Variants in PRKN observed in about 807,000 individuals in gnomAD.
PRKN encodes the protein parkin RBR E3 ubiquitin protein ligase.
Under a neutral mutation model 59.5 loss-of-function variants are expected in PRKN, and 56 were observed. That is an observed-to-expected ratio of 0.94 (90% CI 0.76 to 1.18). The LOEUF (loss-of-function observed/expected upper bound fraction) is 1.18. Ranked by LOEUF, PRKN falls within the 50% of genes most tolerant of loss-of-function variation. The pLI is 0.00. For synonymous variants in PRKN, 250 were observed against 222.1 expected, an observed-to-expected ratio of 1.13 and a Z score of -1.12; for missense variants, 657 against 596.4, an observed-to-expected ratio of 1.10 and a Z score of -1.06.
intron 1 of PRKN, among the ~76,000 whole-genome samples, chr6:162,502,992 T>C (rs1278797829): frequency 6.6e-6 from 1 of 151,584 alleles, no homozygotes; most frequent in Admixed American, 6.6e-5. Flanking sequence ...TTATCTTTCT[T>C]AATATTAAAA....
intron 2 of PRKN, among the ~76,000 whole-genome samples, chr6:162,391,338 A>C (rs1173618948): frequency 6.6e-6 from 1 of 151,304 alleles, no homozygotes; most frequent in African/African-American, 2.4e-5. Context: ...GATTTCGAAA[A>C]TCTGCAATGA....
intron 5 of PRKN, among the ~76,000 whole-genome samples, chr6:162,007,296 GC>G (rs1223369386): frequency 6.6e-6 from 1 of 152,056 alleles, no homozygotes; most frequent in East Asian, 1.9e-4. Flanking sequence ...TTTTAAAAAG[GC>G]CATGGGGTTC....
chr6:162,393,152 A>ATTTTTTTTTTTTTT (rs1369959830), intron 2 of PRKN, among the ~76,000 whole-genome samples: 4 of 78,100 alleles, frequency 5.1e-5, no homozygotes, highest in Admixed American at 1.3e-4. Flanking sequence ...AGGATAGGAG[A>ATTTTTTTTTTTTTT]TTCTTTTTTT....
intron 7 of PRKN, among the ~76,000 whole-genome samples, chr6:161,760,033 T>C (rs546853903): frequency 2.0e-4 from 30 of 149,296 alleles, no homozygotes; most frequent in African/African-American, 6.9e-4. Context: ...CTTTTATCTT[T>C]CTTGTCTCTA....
At chr6:162,497,081 T>A (rs1027770559) in intron 1 of PRKN, among the ~76,000 whole-genome samples, 2 of 152,344 alleles carry the variant, frequency 1.3e-5, no homozygotes, top group African/African-American at 4.8e-5. Flanking sequence ...TTGTATAAAT[T>A]CTGAATCAGC....
At chr6:162,010,340 A>G (rs1782457585) in intron 5 of PRKN, among the ~76,000 whole-genome samples, 1 of 121,630 alleles carries the variant, frequency 8.2e-6, no homozygotes, top group African/African-American at 3.2e-5. Context: ...TATAATATAT[A>G]AATAATATAC....
At chr6:162,636,958 CAAA>C (rs112748618) in intron 1 of PRKN, among the ~76,000 whole-genome samples, 3 of 144,156 alleles carry the variant, frequency 2.1e-5, no homozygotes, top group South Asian at 4.4e-4. Flanking sequence ...GATTCTGTCC[CAAA>C]AAAAAAAAGA....
chr6:162,572,942 CT>C (rs1414677275), intron 1 of PRKN, among the ~76,000 whole-genome samples: 1 of 152,102 alleles, frequency 6.6e-6, no homozygotes, highest in Non-Finnish European at 1.5e-5. Context: ...GTGTCACCCC[CT>C]GTCATTAATA....
At chr6:162,546,831 G>A (rs1314622666) in intron 1 of PRKN, among the ~76,000 whole-genome samples, 2 of 152,140 alleles carry the variant, frequency 1.3e-5, no homozygotes, top group East Asian at 3.9e-4. Flanking sequence ...CAGTCAGTGT[G>A]TCAGACTGAA....
chr6:162,688,050 T>C (rs6926073), intron 1 of PRKN, among the ~76,000 whole-genome samples: 37,632 of 152,112 alleles, frequency 0.25, 5,448 homozygotes, highest in African/African-American at 0.38. Context: ...CTTTTTAGAA[T>C]TATTCTGCTC....
chr6:162,090,591 A>G (rs565806573), intron 4 of PRKN, among the ~76,000 whole-genome samples: 78 of 152,264 alleles, frequency 5.1e-4, no homozygotes, highest in African/African-American at 1.9e-3. Context: ...TCTTTTTTAC[A>G]TATGGAAAAT....
intron 7 of PRKN, among the ~76,000 whole-genome samples, chr6:161,683,766 T>C (rs1431532333): frequency 1.3e-5 from 2 of 152,100 alleles, no homozygotes; most frequent in Admixed American, 6.6e-5. Context: ...AGGCAGGCTG[T>C]TGGGGTGTGG....
In PRKN at chr6:161,545,791, T is replaced by A. The variant is rs113021469; in HGVS notation, c.1083+3063A>T. On this transcript the variant is annotated intron_variant, in intron 9 of 11. Transcript: ENST00000366898. This position sits in a 1 kb window ranked among gnomAD's most constrained non-coding sequence, Gnocchi z 4.1. ...GAAAACCTTATCAGCTGGTTTAACA[T>A]CCTTAAAGGCAACTTTCCTCAGGAC... 2.0e-5 allele frequency among the ~76,000 whole-genome samples: 3 copies of A among 152,224 alleles called. No homozygotes were observed. Among genetic ancestry groups the A allele is most frequent in the Non-Finnish European group, 2.9e-5 (2 of 68,038 alleles).
intron 6 of PRKN, among the ~76,000 whole-genome samples, chr6:161,869,065 A>C (rs950772022): frequency 3.3e-5 from 5 of 152,242 alleles, no homozygotes; most frequent in Non-Finnish European, 7.3e-5. Context: ...GAACATGCTA[A>C]GAAATAGAAG....
chr6:161,624,724 A>C (rs935480291), intron 7 of PRKN, among the ~76,000 whole-genome samples: 1 of 152,242 alleles, frequency 6.6e-6, no homozygotes, highest in Non-Finnish European at 1.5e-5. Context: ...TCAAGGTTGC[A>C]GATGGACACA....
chr6:162,510,172 C>T lies in PRKN; in HGVS notation c.8-66699G>A, dbSNP rs113994934. Among the ~76,000 whole-genome samples, 1,062 of 152,308 alleles carry T rather than the reference C, an allele frequency of 7.0e-3. 12 individuals are homozygous for T. The highest frequency in any genetic ancestry group is 0.023 in the African/African-American group (959 of 41,580). On this transcript the variant is annotated intron_variant, in intron 1 of 11. Coordinates refer to ENST00000366898, the MANE Select transcript of PRKN (RefSeq NM_004562.3). Reference sequence around the variant, plus strand: ...TCGGCACCCAACACCGACACCTCTACGTTCACTAAATAGACGTTTTTATTT... The same window carrying T: ...TCGGCACCCAACACCGACACCTCTATGTTCACTAAATAGACGTTTTTATTT...
Position 162,054,115 on chromosome 6 carries a change from G to A in PRKN, c.594C>T (p.Ser198=), listed in dbSNP as rs1777760361. ...IPNRMSGECQ[S]PHCPGTSAEF... ...CTGCACTAGTCCCAGGGCAGTGTGG[G>A]GATTGGCATTCACCACTCATCCGGT... is the stretch of plus-strand genomic sequence containing the variant. The change falls in exon 5 of 12, where the codon TCC becomes TCT. Residue 198 remains serine, a synonymous_variant. Coordinates refer to ENST00000366898, the MANE Select transcript of PRKN (RefSeq NM_004562.3). 18 of 1,612,402 alleles carry A rather than the reference G, an allele frequency of 1.1e-5. No individual in the cohort carries two copies. Among genetic ancestry groups the A allele is most frequent in the Non-Finnish European group, 1.5e-5 (18 of 1,178,476 alleles).
intron 6 of PRKN, among the ~76,000 whole-genome samples, chr6:161,804,551 G>A (rs969194631): frequency 6.6e-6 from 1 of 152,196 alleles, no homozygotes; most frequent in African/African-American, 2.4e-5. Context: ...TAAGGAGAAG[G>A]AGAAGGTAAC....
intron 6 of PRKN, among the ~76,000 whole-genome samples, chr6:161,954,882 C>G (rs984490821): frequency 2.6e-5 from 4 of 152,214 alleles, no homozygotes; most frequent in Non-Finnish European, 4.4e-5. Context: ...CCAGTATTGG[C>G]TCAGCCAGTT....
Sources: gnomAD v4.1 joint callset for allele counts (sites outside exome capture counted in the v4.1 genomes callset) on GRCh38, gnomAD v4.1.1 for gene constraint, Gnocchi (gnomAD v3.1) non-coding constraint, MANE v1.5 for transcripts, NCBI Gene and HGNC (gene_info 2026-07-23, HGNC 2026-07-21) for gene names.